PRKN: variants seen among roughly 807,000 people sequenced by gnomAD.
PRKN encodes the protein parkin RBR E3 ubiquitin protein ligase.
PRKN carries 56 observed loss-of-function variants against 59.5 expected under a neutral mutation model. The ratio of observed to expected loss-of-function variants is 0.94; its 90% CI spans 0.76 to 1.18. The LOEUF is 1.18. PRKN is among the 50% of genes most tolerant of loss of function. The pLI is 0.00. For missense variants in PRKN, 657 were observed against 596.4 expected (o/e 1.10, Z -1.06); for synonymous variants, 250 against 222.1 (o/e 1.13, Z -1.12).
At chr6:161,671,620 C>T (rs754475082) in intron 7 of PRKN, among the ~76,000 whole-genome samples, 15 of 151,990 alleles carry the variant, frequency 9.9e-5, no homozygotes, top group African/African-American at 1.5e-4. Context: ...ATGAACTGGC[C>T]GGCCAATAAA....
At chr6:161,870,185 C>T (rs761363732) in intron 6 of PRKN, among the ~76,000 whole-genome samples, 6 of 152,056 alleles carry the variant, frequency 3.9e-5, no homozygotes, top group Admixed American at 3.3e-4. Flanking sequence ...CAGAGAAGTA[C>T]GTTTCCTAAT....
At chr6:161,902,616 G>C (rs1777976301) in intron 6 of PRKN, among the ~76,000 whole-genome samples, 1 of 138,318 alleles carries the variant, frequency 7.2e-6, no homozygotes, top group Admixed American at 7.7e-5. Flanking sequence ...CTGGAGTGCA[G>C]TGGTACCATC....
intron 4 of PRKN, among the ~76,000 whole-genome samples, chr6:162,071,808 C>G (rs1214206172): frequency 6.6e-6 from 1 of 151,776 alleles, no homozygotes; most frequent in Non-Finnish European, 1.5e-5. Flanking sequence ...TGTTGGCCAG[C>G]CTGGTCTCGA....
At chr6:162,538,251 A>C (rs924363078) in intron 1 of PRKN, among the ~76,000 whole-genome samples, 2 of 152,098 alleles carry the variant, frequency 1.3e-5, no homozygotes, top group Non-Finnish European at 2.9e-5. Context: ...TACAAAAATT[A>C]GCTGACATGA....
rs1583005259 is a variant in PRKN, at chr6:161,386,984, C to G, written c.1084-107G>C. The stretch of plus-strand genomic sequence containing the variant: ...ATATTCATTCCTCTGGCTTGTGCAA[C>G]AGTTTCTGTATAAAAATACTTTTTT... On this transcript the variant is annotated intron_variant, in intron 9 of 11. Transcript: ENST00000366898. This position sits in a 1 kb window ranked among gnomAD's most constrained non-coding sequence, Gnocchi z 4.3. 24 of 885,686 alleles carry G rather than the reference C, an allele frequency of 2.7e-5. No homozygotes were observed. The East Asian group carries it at 5.3e-4, about 20-fold the overall frequency. 54.9% of individuals were successfully genotyped at this position (885,686 alleles called of 1,614,324 possible). A position where few individuals can be genotyped will look rare whatever the true frequency, so the allele number is the denominator to read the frequency against.
chr6:162,713,606 T>A (rs1020083466), intron 1 of PRKN, among the ~76,000 whole-genome samples: 1 of 151,990 alleles, frequency 6.6e-6, no homozygotes, highest in Non-Finnish European at 1.5e-5. Flanking sequence ...TAGTGTTATA[T>A]CCCATTATCA....
chr6:161,353,150 T>C lies in PRKN; in HGVS notation c.1286-2939A>G, dbSNP rs986025678. 6.6e-6 allele frequency among the ~76,000 whole-genome samples: 1 copy of C among 152,122 alleles called. No individual in the cohort carries two copies. The highest frequency in any genetic ancestry group is 2.4e-5 in the African/African-American group (1 of 41,412). Reference sequence around the variant, plus strand: ...CTCTTGTTACAGTCTTTTGTCATAATGTTGGGGCAATTCAGGCCTCAGAAA... The same window carrying C: ...CTCTTGTTACAGTCTTTTGTCATAACGTTGGGGCAATTCAGGCCTCAGAAA... On this transcript the variant is annotated intron_variant, in intron 11 of 11. Transcript: ENST00000366898. This position sits in a 1 kb window ranked among gnomAD's most constrained non-coding sequence, Gnocchi z 4.8.
chr6:161,859,059 G>A (rs1793779535), intron 6 of PRKN, among the ~76,000 whole-genome samples: 2 of 150,828 alleles, frequency 1.3e-5, no homozygotes, highest in Admixed American at 6.6e-5. Flanking sequence ...TATTAGAGAT[G>A]GGGTTTCACC....
rs1030854882 is a variant in PRKN, at chr6:161,357,406, G to A, written c.1285+2682C>T. ...CCACCACCAGAGTCTGGGCTACCGA[G>A]GAGGCCACTAAGGCATGGACCCCAG... On this transcript the variant is annotated intron_variant, in intron 11 of 11. Transcript: ENST00000366898. The surrounding 1 kb of genome is among the most constrained non-coding windows in gnomAD (Gnocchi z 5.5). 6.6e-6 allele frequency among the ~76,000 whole-genome samples: 1 copy of A among 152,158 alleles called. No individual in the cohort carries two copies. The highest frequency in any genetic ancestry group is 1.5e-5 in the Non-Finnish European group (1 of 68,016).
chr6:162,551,724 C>T (rs181388719), intron 1 of PRKN, among the ~76,000 whole-genome samples: 1 of 152,288 alleles, frequency 6.6e-6, no homozygotes, highest in African/African-American at 2.4e-5. Flanking sequence ...ATCGTTGTAA[C>T]ATGTATTTGT....
intron 7 of PRKN, among the ~76,000 whole-genome samples, chr6:161,595,428 G>A (rs935981487): frequency 6.6e-6 from 1 of 152,066 alleles, no homozygotes; most frequent in African/African-American, 2.4e-5. Context: ...TATGACACTG[G>A]GTTTTACCTG....
intron 4 of PRKN, among the ~76,000 whole-genome samples, chr6:162,188,593 G>T (rs1167716142): frequency 6.6e-6 from 1 of 152,050 alleles, no homozygotes; most frequent in East Asian, 1.9e-4. Flanking sequence ...TCATAGTCTT[G>T]CCATACCTTT....
intron 5 of PRKN, among the ~76,000 whole-genome samples, chr6:161,988,002 A>G (rs1781496806): frequency 6.6e-6 from 1 of 152,140 alleles, no homozygotes; most frequent in Non-Finnish European, 1.5e-5. Context: ...CTCTTAGCCC[A>G]GGCTTATCAT....
chr6:161,904,738 T>C (rs1778079848), intron 6 of PRKN, among the ~76,000 whole-genome samples: 1 of 152,060 alleles, frequency 6.6e-6, no homozygotes, highest in Admixed American at 6.5e-5. Context: ...TGTATCCTCT[T>C]GGGAAACAGG....
chr6:162,510,737 C>A (rs545685927), intron 1 of PRKN, among the ~76,000 whole-genome samples: 6 of 152,188 alleles, frequency 3.9e-5, no homozygotes, highest in Non-Finnish European at 8.8e-5. Flanking sequence ...GCCTGTCCAA[C>A]GTAGTGAAAC....
intron 2 of PRKN, among the ~76,000 whole-genome samples, chr6:162,297,069 T>G (rs185791586): frequency 1.1e-3 from 170 of 152,284 alleles, no homozygotes; most frequent in Middle Eastern, 6.8e-3. Context: ...CAGTCGAAAT[T>G]AATCCCCATG....
intron 2 of PRKN, among the ~76,000 whole-genome samples, chr6:162,316,836 T>A (rs534176718): frequency 2.0e-5 from 3 of 152,296 alleles, no homozygotes; most frequent in Non-Finnish European, 4.4e-5. Flanking sequence ...CATATTTATA[T>A]GAAAAGTTGG....
chr6:161,921,188 A>T (rs1377328129), intron 6 of PRKN, among the ~76,000 whole-genome samples: 1 of 152,120 alleles, frequency 6.6e-6, no homozygotes, highest in Non-Finnish European at 1.5e-5. Flanking sequence ...GAAAACTAAG[A>T]CACTGACACA....
At chr6:161,946,136 A>G in intron 6 of PRKN, among the ~76,000 whole-genome samples, 1 of 152,118 alleles carries the variant, frequency 6.6e-6, no homozygotes, top group Middle Eastern at 3.2e-3. Flanking sequence ...ACAAGTAGGA[A>G]TTTTGTCTAT....
Sources: gnomAD v4.1 joint callset for allele counts (sites outside exome capture counted in the v4.1 genomes callset) on GRCh38, gnomAD v4.1.1 for gene constraint, Gnocchi (gnomAD v3.1) non-coding constraint, MANE v1.5 for transcripts, NCBI Gene and HGNC (gene_info 2026-07-23, HGNC 2026-07-21) for gene names.